Variants in CCDC92 observed in about 807,000 individuals in gnomAD.
CCDC92 encodes coiled-coil domain-containing protein 92.
CCDC92 carries 12 observed loss-of-function variants against 24.9 expected under a neutral mutation model. The observed-to-expected ratio is 0.48, with a 90% CI of 0.31 to 0.78. The LOEUF is 0.78. Ranked by LOEUF, CCDC92 falls within the 30% of genes least tolerant of loss-of-function variation. The pLI is 0.05. For missense variants in CCDC92, 399 were observed against 439.4 expected, an observed-to-expected ratio of 0.91 and a Z score of 0.82; for synonymous variants, 193 against 196.3, an observed-to-expected ratio of 0.98 and a Z score of 0.14.
chr12:123,959,133 C>T (rs150203392), intron 1 of CCDC92, among the ~76,000 whole-genome samples: 2 of 152,182 alleles, frequency 1.3e-5, no homozygotes, highest in African/African-American at 4.8e-5. Flanking sequence ...GCAAGTCACA[C>T]GTAACTCCCG....
At chr12:123,943,623 G>T in intron 2 of CCDC92, 130 bp from the exon 3 acceptor site, 2 of 958,120 alleles carry the variant, frequency 2.1e-6, no homozygotes, top group Non-Finnish European at 3.2e-6. Flanking sequence ...GCTCCTGAAG[G>T]GCAGGGTGTG....
chr12:123,945,421 G>C (rs1955815755), intron 1 of CCDC92: 1 of 152,260 alleles, frequency 6.6e-6, no homozygotes, highest in African/African-American at 2.4e-5. Context: ...TGTCTGCACA[G>C]CACGTGGTCT....
rs140243408 is a variant in CCDC92 at position 123,954,250 on chromosome 12, T to C, written c.-59-9886A>G. Among the ~76,000 whole-genome samples the C allele has an allele frequency of 5.5e-3, 844 of 152,286 alleles. 4 individuals are homozygous for C. The highest frequency in any genetic ancestry group is 0.019 in the African/African-American group (801 of 41,560). ...AAGGTAGTTGTTACAAATGTAACAATTTCGTGTCCCAAAGATATGCAGAAA... is the reference window on the plus strand; with the variant it reads ...AAGGTAGTTGTTACAAATGTAACAACTTCGTGTCCCAAAGATATGCAGAAA... On this transcript the variant is annotated intron_variant, in intron 1 of 4. Coordinates refer to ENST00000238156, the MANE Select transcript of CCDC92 (RefSeq NM_025140.3).
intron 1 of CCDC92, among the ~76,000 whole-genome samples, chr12:123,967,171 G>C (rs1178654650): frequency 6.6e-6 from 1 of 151,976 alleles, no homozygotes; most frequent in East Asian, 1.9e-4. Flanking sequence ...CCTCCCCCGA[G>C]AGCAATAGGG....
chr12:123,969,280 C>T (rs1956464917), intron 1 of CCDC92, among the ~76,000 whole-genome samples: 1 of 152,124 alleles, frequency 6.6e-6, no homozygotes, highest in Non-Finnish European at 1.5e-5. Context: ...GTTTTACCTT[C>T]AGCTGCCAGC....
At chr12:123,957,414 G>C (rs1277512075) in intron 1 of CCDC92, among the ~76,000 whole-genome samples, 1 of 152,190 alleles carries the variant, frequency 6.6e-6, no homozygotes, top group Non-Finnish European at 1.5e-5. Flanking sequence ...TTCCATCTTT[G>C]CAAGCAGCTG....
chr12:123,955,030 C>T (rs56414044), intron 1 of CCDC92, among the ~76,000 whole-genome samples: 2,076 of 152,330 alleles, frequency 0.014, 20 homozygotes, highest in Middle Eastern at 0.027. Flanking sequence ...CCCTTCCTGC[C>T]CTCCGTGCAT....
chr12:123,961,964 T>C (rs1158780682), intron 1 of CCDC92, among the ~76,000 whole-genome samples: 1 of 152,180 alleles, frequency 6.6e-6, no homozygotes, highest in Admixed American at 6.5e-5. Flanking sequence ...GAAGACGAAA[T>C]GCTGCAGCCC....
At chr12:123,962,862 A>ATTTT (rs1566176673) in intron 1 of CCDC92, 12 of 150,032 alleles carry the variant, frequency 8.0e-5, no homozygotes, top group African/African-American at 2.9e-4. Flanking sequence ...TTTTTTTTAA[A>ATTTT]AAATCTAAAG....
At chr12:123,943,314 C>T in intron 3 of CCDC92, 33 bp downstream of exon 3, 1 of 1,604,204 alleles carries the variant, frequency 6.2e-7, no homozygotes, top group Non-Finnish European at 8.5e-7. Flanking sequence ...CCATAGCCGC[C>T]CCCCGCCTGC....
At chr12:123,953,217 G>A (rs903679641) in intron 1 of CCDC92, among the ~76,000 whole-genome samples, 7 of 137,198 alleles carry the variant, frequency 5.1e-5, no homozygotes, top group Non-Finnish European at 9.4e-5. Flanking sequence ...CTAAAAGCTA[G>A]AAGAGGAAAG....
At chr12:123,956,412 C>A (rs1420555549) in intron 1 of CCDC92, 2 of 152,124 alleles carry the variant, frequency 1.3e-5, no homozygotes, top group African/African-American at 4.8e-5. Context: ...GTGGATTATT[C>A]AGTTCAAGCG....
chr12:123,943,432 C>T lies in CCDC92; in HGVS notation c.96G>A (p.Lys32=). Residue 32 remains lysine (K), a synonymous_variant, in exon 3 of 5, where the codon AAG becomes AAA. Coordinates refer to ENST00000238156, the MANE Select transcript of CCDC92 (RefSeq NM_025140.3). ...NLENQLHSAQ[K]NLLFLQREHA... ...GCTCCCGCTGAAGGAACAGGAGGTT[C>T]TTCTGTGCGCTGTGCAGCTGGTTCT... The T allele has an allele frequency of 2.5e-6, 4 of 1,614,214 alleles. No homozygotes were observed. Among genetic ancestry groups the T allele is most frequent in the Non-Finnish European group, 3.4e-6 (4 of 1,180,040 alleles).
chr12:123,958,841 C>A (rs1299095739), intron 1 of CCDC92, among the ~76,000 whole-genome samples: 1 of 152,180 alleles, frequency 6.6e-6, no homozygotes, highest in Non-Finnish European at 1.5e-5. Context: ...CTGCCCTTTT[C>A]AAGGAGGGGG....
chr12:123,944,098 G>GC, intron 2 of CCDC92, 174 bp downstream of exon 2: 3 of 542,520 alleles, frequency 5.5e-6, no homozygotes, highest in Non-Finnish European at 9.9e-6. Context: ...CCAGAGGGAA[G>GC]CCCCCTGCAC....
intron 1 of CCDC92, among the ~76,000 whole-genome samples, chr12:123,952,380 C>G (rs576012460): frequency 1.3e-5 from 2 of 152,320 alleles, no homozygotes; most frequent in African/African-American, 4.8e-5. Flanking sequence ...GGGGAGGCAA[C>G]TAGAGAGGCA....
At chr12:123,958,592 T>C (rs548251006) in intron 1 of CCDC92, among the ~76,000 whole-genome samples, 2 of 152,364 alleles carry the variant, frequency 1.3e-5, no homozygotes, top group East Asian at 3.9e-4. Flanking sequence ...TCTGTTCTGC[T>C]GTGTCCTGTG....
At chr12:123,948,639 C>T (rs1445594383) in intron 1 of CCDC92, among the ~76,000 whole-genome samples, 1 of 152,218 alleles carries the variant, frequency 6.6e-6, no homozygotes, top group East Asian at 1.9e-4. Flanking sequence ...CCTTCTTCCA[C>T]ACTCTGTGCT....
chr12:123,968,301 G>C (rs1332690025), intron 1 of CCDC92: 1 of 151,238 alleles, frequency 6.6e-6, no homozygotes, highest in Non-Finnish European at 1.5e-5. Flanking sequence ...GCTCTCCAGT[G>C]TGGAAATTTG....
Sources: allele counts gnomAD v4.1 joint callset (sites outside exome capture counted in the v4.1 genomes callset), GRCh38; gene constraint gnomAD v4.1.1; transcripts MANE v1.5; gene names NCBI Gene and HGNC (gene_info 2026-07-23, HGNC 2026-07-21).